SEMA6D: variants seen among roughly 807,000 people sequenced by gnomAD.
The protein encoded by SEMA6D is semaphorin-6D.
Under a neutral mutation model 106.6 loss-of-function variants are expected in SEMA6D, and 35 were observed. The ratio of observed to expected loss-of-function variants is 0.33; its 90% CI spans 0.25 to 0.44. The LOEUF is 0.44. Among genes scored for constraint, SEMA6D ranks in the 20% least tolerant of loss-of-function variants. The pLI, the probability that SEMA6D is intolerant of heterozygous loss-of-function variation, is 1.00. For synonymous variants in SEMA6D, 499 were observed against 487.7 expected (o/e 1.02, Z -0.31); for missense variants, 1,185 against 1,345.9 (o/e 0.88, Z 1.87).
chr15:47,200,409 G>C (rs563409167), intron 1 of SEMA6D, among the ~76,000 whole-genome samples: 284 of 152,074 alleles, frequency 1.9e-3, no homozygotes, highest in Middle Eastern at 0.01. Context: ...CCCTTCTCTG[G>C]GGTCAGAAAA....
chr15:47,302,867 G>GT (rs2036076911), intron 1 of SEMA6D, among the ~76,000 whole-genome samples: 1 of 152,194 alleles, frequency 6.6e-6, no homozygotes, highest in African/African-American at 2.4e-5. Flanking sequence ...CTACAGAGCT[G>GT]TAAGAGACTA....
intron 3 of SEMA6D, among the ~76,000 whole-genome samples, chr15:47,501,813 CATT>C (rs1215580798): frequency 1.3e-5 from 2 of 151,972 alleles, no homozygotes; most frequent in African/African-American, 4.8e-5. Flanking sequence ...AATAGCCAAA[CATT>C]ATAAATTTTG....
At chr15:47,482,237 G>A (rs1042115439) in intron 3 of SEMA6D, among the ~76,000 whole-genome samples, 10 of 152,106 alleles carry the variant, frequency 6.6e-5, no homozygotes, top group Admixed American at 1.3e-4. Context: ...ATATTTTTGA[G>A]GAAGATTTTT....
intron 3 of SEMA6D, among the ~76,000 whole-genome samples, chr15:47,507,131 C>T (rs1365984015): frequency 6.6e-6 from 1 of 152,220 alleles, no homozygotes; most frequent in African/African-American, 2.4e-5. Context: ...AGCTGTCAGC[C>T]TCTACCCTGT....
chr15:47,697,699 T>G (rs1289710332), intron 4 of SEMA6D, among the ~76,000 whole-genome samples: 2 of 152,252 alleles, frequency 1.3e-5, no homozygotes, highest in African/African-American at 4.8e-5. Flanking sequence ...GAAGGTCTGA[T>G]GAATTTGAAA....
chr15:47,452,207 C>T lies in SEMA6D; in HGVS notation c.-158-18267C>T, dbSNP rs561462699. ...AAACAAAACTCACTAATGATAATAACGATGAGGCAAATCAATAATTTTGTT... is the reference window on the plus strand; with the variant it reads ...AAACAAAACTCACTAATGATAATAATGATGAGGCAAATCAATAATTTTGTT... On this transcript the variant is annotated intron_variant, in intron 2 of 19. Coordinates refer to the SEMA6D transcript ENST00000558014. Among the ~76,000 whole-genome samples the T allele has an allele frequency of 2.6e-5, 4 of 151,784 alleles. No individual in the cohort carries two copies. In the East Asian group the frequency reaches 5.8e-4, roughly 22 times the overall value.
chr15:47,659,624 T>G (rs1391196035), intron 4 of SEMA6D, among the ~76,000 whole-genome samples: 1 of 152,060 alleles, frequency 6.6e-6, no homozygotes, highest in Non-Finnish European at 1.5e-5. Flanking sequence ...AGTTTTCATG[T>G]GTCAAAAATA....
At chr15:47,503,160 T>C (rs1424077888) in intron 3 of SEMA6D, among the ~76,000 whole-genome samples, 1 of 152,254 alleles carries the variant, frequency 6.6e-6, no homozygotes, top group African/African-American at 2.4e-5. Flanking sequence ...ACTTGACCTT[T>C]AGTGATATAT....
At chr15:47,227,455 C>CTTTTCT (rs2031787263) in intron 1 of SEMA6D, among the ~76,000 whole-genome samples, 2 of 74,464 alleles carry the variant, frequency 2.7e-5, no homozygotes, top group East Asian at 5.1e-4. Flanking sequence ...TCTTTTCTTT[C>CTTTTCT]TTTTCTTTCT....
At chr15:47,407,406 C>CAA (rs1231097214) in intron 1 of SEMA6D, among the ~76,000 whole-genome samples, 7 of 105,822 alleles carry the variant, frequency 6.6e-5, no homozygotes, top group African/African-American at 1.0e-4. Flanking sequence ...ACAACAACAA[C>CAA]AACAAAAAAA....
In SEMA6D at chr15:47,223,404, G is replaced by A. The variant is rs1033012137; in HGVS notation, c.-239+38986G>A. Among the ~76,000 whole-genome samples the A allele has an allele frequency of 5.9e-5, 9 of 151,982 alleles. No homozygotes were observed. The East Asian group carries it at 7.7e-4, about 13-fold the overall frequency. ...GAGATTTGTAGTGTCTTGTTTTTCCGAAAGGTTTTTAAGGGTCTTCCTGAA... is the reference window on the plus strand; with the variant it reads ...GAGATTTGTAGTGTCTTGTTTTTCCAAAAGGTTTTTAAGGGTCTTCCTGAA... On this transcript the variant is annotated intron_variant, in intron 1 of 19. Transcript: ENST00000558014.
At chr15:47,257,060 C>A (rs376223915) in intron 1 of SEMA6D, among the ~76,000 whole-genome samples, 2 of 137,822 alleles carry the variant, frequency 1.5e-5, no homozygotes, top group African/African-American at 5.4e-5. Flanking sequence ...GAACAGAATT[C>A]TTTTTTTTTT....
chr15:47,504,776 G>A (rs1019630317), intron 3 of SEMA6D, among the ~76,000 whole-genome samples: 12 of 152,114 alleles, frequency 7.9e-5, no homozygotes, highest in African/African-American at 2.9e-4. Flanking sequence ...CAGGCAGCCT[G>A]GAACAAAAGA....
intron 1 of SEMA6D, among the ~76,000 whole-genome samples, chr15:47,751,922 G>A (rs1447583472): frequency 6.6e-6 from 1 of 152,136 alleles, no homozygotes; most frequent in Admixed American, 6.6e-5. Flanking sequence ...GAGGCAGAAA[G>A]GGCCACCATA....
intron 1 of SEMA6D, among the ~76,000 whole-genome samples, chr15:47,406,778 CAA>C (rs36102863): frequency 1.7e-4 from 19 of 111,714 alleles, no homozygotes; most frequent in Admixed American, 1.7e-4. Context: ...TTCTCACCAC[CAA>C]AAAAAAAAAA....
intron 1 of SEMA6D, among the ~76,000 whole-genome samples, chr15:47,218,086 G>C (rs2030833730): frequency 6.6e-6 from 1 of 151,970 alleles, no homozygotes; most frequent in South Asian, 2.1e-4. Flanking sequence ...TGTGACTTTG[G>C]ACCAATTAAT....
chr15:47,707,872 C>T (rs1445182915), intron 4 of SEMA6D, among the ~76,000 whole-genome samples: 2 of 152,180 alleles, frequency 1.3e-5, no homozygotes, highest in African/African-American at 4.8e-5. Flanking sequence ...CCCCATTAAC[C>T]TTTTCCACCT....
intron 1 of SEMA6D, among the ~76,000 whole-genome samples, chr15:47,332,728 T>C (rs1413432798): frequency 3.9e-5 from 6 of 152,202 alleles, no homozygotes; most frequent in African/African-American, 1.4e-4. Context: ...AAGAGCCTTA[T>C]CTGCCAGATT....
chr15:47,448,803 G>A (rs1032120316), intron 2 of SEMA6D, among the ~76,000 whole-genome samples: 1 of 152,026 alleles, frequency 6.6e-6, no homozygotes, highest in Non-Finnish European at 1.5e-5. Flanking sequence ...GAGAGGACTC[G>A]GTCTTCATCT....
Sources: allele counts gnomAD v4.1 joint callset (sites outside exome capture counted in the v4.1 genomes callset), GRCh38; gene constraint gnomAD v4.1.1; transcripts MANE v1.5; gene names NCBI Gene and HGNC (gene_info 2026-07-23, HGNC 2026-07-21).